The following SPACA7 variants were observed in gnomAD, a reference collection of about 807,000 sequenced individuals.
SPACA7 encodes sperm acrosome associated 7.
A neutral mutation model predicts 26.3 loss-of-function variants in SPACA7; 19 were observed. The observed-to-expected ratio is 0.72, with a 90% CI of 0.50 to 1.06. The LOEUF (loss-of-function observed/expected upper bound fraction) is 1.06, where lower values mean the gene tolerates loss of function less well. Among genes scored for constraint, SPACA7 ranks in the 50% least tolerant of loss-of-function variants. The pLI, the probability that SPACA7 is intolerant of heterozygous loss-of-function variation, is 0.00. For missense variants in SPACA7, 211 were observed against 229.9 expected (o/e 0.92, Z 0.53); for synonymous variants, 84 against 84.5 (o/e 0.99, Z 0.04).
At chr13:112,390,612 A>C (rs1241619801) in intron 1 of SPACA7, among the ~76,000 whole-genome samples, 1 of 152,232 alleles carries the variant, frequency 6.6e-6, no homozygotes, top group South Asian at 2.1e-4. Context: ...GGGAGGCCTC[A>C]GGAAACTTAC....
At chr13:112,428,632 A>C (rs1876773061) in intron 5 of SPACA7, among the ~76,000 whole-genome samples, 1 of 152,214 alleles carries the variant, frequency 6.6e-6, no homozygotes, top group Non-Finnish European at 1.5e-5. Flanking sequence ...ATTTAGTTTC[A>C]GATATTTGGA....
At chr13:112,429,540 AG>A (rs200744586) in intron 5 of SPACA7, among the ~76,000 whole-genome samples, 1 of 152,086 alleles carries the variant, frequency 6.6e-6, no homozygotes, top group African/African-American at 2.4e-5. Context: ...TTGTGTCTTT[AG>A]GGGGGTTTCT....
intron 5 of SPACA7, among the ~76,000 whole-genome samples, chr13:112,421,285 C>T (rs9550080): frequency 0.26 from 39,462 of 149,572 alleles, 6,038 homozygotes; most frequent in Non-Finnish European, 0.35. Context: ...GGAGGTATGC[C>T]ATTTAAAGGT....
intron 5 of SPACA7, among the ~76,000 whole-genome samples, chr13:112,422,393 C>T (rs987927795): frequency 2.6e-5 from 4 of 152,120 alleles, no homozygotes; most frequent in Non-Finnish European, 5.9e-5. Flanking sequence ...AAGAAATAGA[C>T]AGAATAAGGA....
At chr13:112,419,126 G>A (rs1385743760) in intron 5 of SPACA7, among the ~76,000 whole-genome samples, 2 of 152,100 alleles carry the variant, frequency 1.3e-5, no homozygotes, top group African/African-American at 4.8e-5. Context: ...GAACATTCCA[G>A]TAGCAGGGTA....
intron 5 of SPACA7, among the ~76,000 whole-genome samples, chr13:112,426,120 T>G (rs1266570596): frequency 6.6e-6 from 1 of 152,232 alleles, no homozygotes; most frequent in East Asian, 1.9e-4. Flanking sequence ...TGATTTGTTT[T>G]GGTTTGGATT....
intron 1 of SPACA7, among the ~76,000 whole-genome samples, chr13:112,378,909 A>G (rs9550064): frequency 0.26 from 39,668 of 152,186 alleles, 5,994 homozygotes; most frequent in Non-Finnish European, 0.35. Context: ...TACGCAAACA[A>G]TTGTATGGTC....
chr13:112,409,931 G>A (rs956139105), intron 5 of SPACA7, among the ~76,000 whole-genome samples: 4 of 152,112 alleles, frequency 2.6e-5, no homozygotes, highest in Non-Finnish European at 5.9e-5. Context: ...GTTTATTGTG[G>A]CACTATTCAC....
At chr13:112,383,118 AAGAAAAGAAAGAAAGAAAG>A (rs1594239648) in intron 1 of SPACA7, among the ~76,000 whole-genome samples, 2 of 10,930 alleles carry the variant, frequency 1.8e-4, no homozygotes. Flanking sequence ...AAGAAAAGAA[AAGAAAAGAAAGAAAGAAAG>A]AAAGAAAGAA....
chr13:112,402,931 A>C (rs1885738150), intron 5 of SPACA7, among the ~76,000 whole-genome samples: 1 of 152,078 alleles, frequency 6.6e-6, no homozygotes, highest in African/African-American at 2.4e-5. Context: ...CAAATACACA[A>C]ATGACTCTAG....
chr13:112,380,297 TG>T (rs1003480567), intron 1 of SPACA7, among the ~76,000 whole-genome samples: 7 of 148,196 alleles, frequency 4.7e-5, no homozygotes, highest in Non-Finnish European at 8.9e-5. Context: ...CCCAGCTACT[TG>T]GGAGGCTGAG....
chr13:112,413,368 G>GT (rs34886428), intron 5 of SPACA7, among the ~76,000 whole-genome samples: 82,117 of 147,768 alleles, frequency 0.56, 22,829 homozygotes, highest in South Asian at 0.66. Context: ...TGGAAGAGTT[G>GT]TTTTTTTTTT....
intron 5 of SPACA7, among the ~76,000 whole-genome samples, chr13:112,419,002 A>G (rs1215097679): frequency 6.6e-6 from 1 of 151,514 alleles, no homozygotes; most frequent in African/African-American, 2.4e-5. Flanking sequence ...AGCCTGGGAG[A>G]CAAGAGTGAG....
At chr13:112,423,824 T>A (rs1876250496) in intron 5 of SPACA7, among the ~76,000 whole-genome samples, 1 of 152,232 alleles carries the variant, frequency 6.6e-6, no homozygotes, top group African/African-American at 2.4e-5. Context: ...AAGTTAAGAT[T>A]TCTAAAACAG....
intron 1 of SPACA7, among the ~76,000 whole-genome samples, chr13:112,391,415 A>G (rs1278013): frequency 0.98 from 149,780 of 152,316 alleles, 73,686 homozygotes; most frequent in East Asian, 1. Context: ...AGAGGAGAGC[A>G]GTTAACGTGG....
intron 1 of SPACA7, among the ~76,000 whole-genome samples, chr13:112,391,311 T>A (rs747584248): frequency 1.3e-5 from 2 of 152,208 alleles, no homozygotes; most frequent in Non-Finnish European, 2.9e-5. Flanking sequence ...CTCTCCTTGG[T>A]CCTTAATGAC....
rs869183760 is a variant in SPACA7 at position 112,414,388 on chromosome 13, C to CTTTTTTTTTTT, written c.445+13254_445+13264dup. Among the ~76,000 whole-genome samples the CTTTTTTTTTTT allele has an allele frequency of 3.0e-3, 93 of 31,396 alleles. 37 individuals are homozygous for CTTTTTTTTTTT. The highest frequency in any genetic ancestry group is 3.9e-3 in the Non-Finnish European group (68 of 17,230). The allele number at this position is 31,396 out of a possible 152,430, so 20.6% of individuals were successfully genotyped here. On this transcript the variant is annotated intron_variant, in intron 5 of 6. Coordinates refer to ENST00000283550, the MANE Select transcript of SPACA7 (RefSeq NM_145248.5). ...AAGTTTCTGAATGGCTTTTCTGTGT[C>CTTTTTTTTTTT]TTTTTTTTTTTTTTTTTTTTTTTTT... is the stretch of plus-strand genomic sequence containing the variant.
At chr13:112,405,969 ATC>A (rs1885962962) in intron 5 of SPACA7, among the ~76,000 whole-genome samples, 2 of 152,160 alleles carry the variant, frequency 1.3e-5, no homozygotes, top group Admixed American at 6.5e-5. Context: ...AAGGACCACT[ATC>A]TCTCTGCTTT....
chr13:112,386,575 T>A (rs1407068614), intron 1 of SPACA7, among the ~76,000 whole-genome samples: 1 of 151,996 alleles, frequency 6.6e-6, no homozygotes, highest in Non-Finnish European at 1.5e-5. Flanking sequence ...CCAGAAGTTA[T>A]CTTAGGGCCT....
Sources: gnomAD v4.1 joint callset for allele counts (sites outside exome capture counted in the v4.1 genomes callset) on GRCh38, gnomAD v4.1.1 for gene constraint, MANE v1.5 for transcripts, NCBI Gene and HGNC (gene_info 2026-07-23, HGNC 2026-07-21) for gene names.